The following ANKRD44 variants were observed in gnomAD, a reference collection of about 807,000 sequenced individuals.
ANKRD44 encodes the protein serine/threonine-protein phosphatase 6 regulatory ankyrin repeat subunit B.
ANKRD44 carries 35 observed loss-of-function variants against 116.0 expected under a neutral mutation model. That is an observed-to-expected ratio of 0.30 (90% CI 0.23 to 0.40). ANKRD44 has a LOEUF of 0.40. Ranked by LOEUF, ANKRD44 falls within the 10% of genes least tolerant of loss-of-function variation. The probability of loss-of-function intolerance (pLI) is 1.00; values close to 1 mark genes in which losing one functional copy is unlikely to be tolerated. For missense variants in ANKRD44, 1,014 were observed against 1,242.6 expected (o/e 0.82, Z 2.77); for synonymous variants, 435 against 461.8 (o/e 0.94, Z 0.74).
chr2:197,298,182 CTG>C (rs1433598849), intron 1 of ANKRD44, among the ~76,000 whole-genome samples: 4 of 152,180 alleles, frequency 2.6e-5, no homozygotes, highest in Non-Finnish European at 4.4e-5. Flanking sequence ...GACCTTGTAA[CTG>C]TTTGCTGCCT....
intron 1 of ANKRD44, among the ~76,000 whole-genome samples, chr2:197,309,712 G>A (rs1349394529): frequency 1.3e-5 from 2 of 152,132 alleles, no homozygotes; most frequent in Non-Finnish European, 2.9e-5. Flanking sequence ...TTCGTGGAAA[G>A]AGCTGCAAAG....
In ANKRD44 at chr2:197,275,008, A is replaced by G. The variant is rs1444976625; in HGVS notation, c.27+35570T>C. ...TCCCAGCTACTTGGGAGGCTGTGGT[A>G]GGAGGACTGCTTGAATCTGACATTT... On this transcript the variant is annotated intron_variant, in intron 1 of 27. Coordinates refer to ENST00000282272, the MANE Select transcript of ANKRD44 (RefSeq NM_001195144.2). 2.6e-5 allele frequency among the ~76,000 whole-genome samples: 4 copies of G among 151,036 alleles called. No individual in the cohort carries two copies. The East Asian group carries it at 6.0e-4, about 23-fold the overall frequency.
At chr2:197,062,015 G>A (rs753545226) in intron 16 of ANKRD44, among the ~76,000 whole-genome samples, 2 of 152,034 alleles carry the variant, frequency 1.3e-5, no homozygotes, top group Admixed American at 6.6e-5. Context: ...ACCTGACCTC[G>A]GGTGATCCAC....
intron 16 of ANKRD44, among the ~76,000 whole-genome samples, chr2:197,076,984 A>G (rs1048503735): frequency 2.0e-5 from 3 of 152,170 alleles, no homozygotes; most frequent in South Asian, 2.1e-4. Flanking sequence ...ATGTATCTTT[A>G]TGGTTAGAAT....
intron 26 of ANKRD44, among the ~76,000 whole-genome samples, chr2:196,994,109 G>T (rs2075969006): frequency 1.3e-5 from 2 of 152,150 alleles, no homozygotes; most frequent in South Asian, 4.1e-4. Flanking sequence ...AATGCACACA[G>T]ATGTTTTACT....
rs911673486 is a variant in ANKRD44 at position 197,048,607 on chromosome 2, G to A, written c.1651-23340C>T. Among the ~76,000 whole-genome samples, 3 of 152,144 alleles carry A rather than the reference G, an allele frequency of 2.0e-5. No homozygotes were observed. The East Asian group carries it at 5.8e-4, about 29-fold the overall frequency. The stretch of plus-strand genomic sequence containing the variant: ...CCTATCATTGATGGGCATTTGGGTT[G>A]GTTCCAAGTCTTTGCTATTGTGAAT... On this transcript the variant is annotated intron_variant, in intron 16 of 27. Coordinates refer to ENST00000282272, the MANE Select transcript of ANKRD44 (RefSeq NM_001195144.2).
intron 1 of ANKRD44, among the ~76,000 whole-genome samples, chr2:197,267,771 A>G (rs2082779585): frequency 6.6e-6 from 1 of 152,228 alleles, no homozygotes; most frequent in Admixed American, 6.5e-5. Flanking sequence ...AGTGGAGGGA[A>G]GACTGTCTCT....
chr2:197,004,225 A>G (rs1003769270), intron 21 of ANKRD44, among the ~76,000 whole-genome samples: 2 of 152,214 alleles, frequency 1.3e-5, no homozygotes, highest in Non-Finnish European at 2.9e-5. Flanking sequence ...GTATCTAAAC[A>G]GTAGCTGCCA....
chr2:197,091,646 A>G (rs2078045405), intron 10 of ANKRD44, among the ~76,000 whole-genome samples: 1 of 152,250 alleles, frequency 6.6e-6, no homozygotes, highest in Non-Finnish European at 1.5e-5. Context: ...AGCATGAGCC[A>G]CCACGCTCAG....
At chr2:197,103,420 A>G (rs1010433671) in intron 9 of ANKRD44, among the ~76,000 whole-genome samples, 3 of 151,666 alleles carry the variant, frequency 2.0e-5, no homozygotes, top group African/African-American at 7.3e-5. Context: ...GTGTTTGTTG[A>G]CTGACTAAAT....
chr2:197,117,741 TTC>T lies in ANKRD44; in HGVS notation c.906+3589_906+3590del, dbSNP rs148535104. On this transcript the variant is annotated intron_variant, in intron 8 of 27. Coordinates refer to ENST00000282272, the MANE Select transcript of ANKRD44 (RefSeq NM_001195144.2). ...CATGTCCCACCAAGTCTTGCTGATT[TTC>T]TTTCTGCAAAGCCTCTCCCTTCAGT... Among the ~76,000 whole-genome samples the T allele has an allele frequency of 7.9e-3, 1,197 of 152,312 alleles. 16 individuals are homozygous for T. Among genetic ancestry groups the T allele is most frequent in the African/African-American group, 0.028 (1,149 of 41,554 alleles).
At chr2:197,227,036 C>G (rs904263942) in intron 1 of ANKRD44, among the ~76,000 whole-genome samples, 1 of 152,192 alleles carries the variant, frequency 6.6e-6, no homozygotes, top group African/African-American at 2.4e-5. Flanking sequence ...CCATATCACC[C>G]TGTGGGCTGG....
In ANKRD44 at chr2:197,148,674, T is replaced by C. The variant is rs114584939; in HGVS notation, c.112-1569A>G. Among the ~76,000 whole-genome samples the C allele has an allele frequency of 5.1e-3, 780 of 152,308 alleles. 4 individuals are homozygous for C. The highest frequency in any genetic ancestry group is 6.4e-3 in the Non-Finnish European group (435 of 68,016). ...TGGCAGGCAGGGGACACAACAAGAATTGATCTTCAAACCAGTCTATTTTTT... is the reference window on the plus strand; with the variant it reads ...TGGCAGGCAGGGGACACAACAAGAACTGATCTTCAAACCAGTCTATTTTTT... On this transcript the variant is annotated intron_variant, in intron 2 of 27. Coordinates refer to ENST00000282272, the MANE Select transcript of ANKRD44 (RefSeq NM_001195144.2).
intron 16 of ANKRD44, among the ~76,000 whole-genome samples, chr2:197,076,139 G>T (rs1159213144): frequency 1.3e-5 from 2 of 152,176 alleles, no homozygotes; most frequent in African/African-American, 4.8e-5. Context: ...TGATCTCCTT[G>T]CACAATTCCT....
intron 1 of ANKRD44, among the ~76,000 whole-genome samples, chr2:197,291,998 T>C (rs933798425): frequency 6.6e-6 from 1 of 152,228 alleles, no homozygotes; most frequent in Admixed American, 6.5e-5. Context: ...GCAAAGGACA[T>C]GAACTCATCC....
intron 1 of ANKRD44, among the ~76,000 whole-genome samples, chr2:197,223,947 A>G (rs1038534003): frequency 2.6e-5 from 4 of 151,644 alleles, no homozygotes; most frequent in Non-Finnish European, 5.9e-5. Context: ...AGACGATTCC[A>G]CGAAGGTATA....
chr2:197,106,399 C>A (rs1213544518), intron 9 of ANKRD44, among the ~76,000 whole-genome samples: 1 of 150,368 alleles, frequency 6.7e-6, no homozygotes, highest in Non-Finnish European at 1.5e-5. Context: ...GAGCCGAGAT[C>A]GCACCACTGC....
At chr2:197,231,124 G>A (rs908714294) in intron 1 of ANKRD44, among the ~76,000 whole-genome samples, 23 of 152,076 alleles carry the variant, frequency 1.5e-4, no homozygotes, top group African/African-American at 3.6e-4. Context: ...TGCTTCTTAC[G>A]GATAAATCAA....
chr2:197,140,777 A>T (rs548029757), intron 3 of ANKRD44, among the ~76,000 whole-genome samples: 12 of 152,196 alleles, frequency 7.9e-5, no homozygotes, highest in Non-Finnish European at 1.6e-4. Context: ...AAACTTTTGG[A>T]GGTGACAGAG....
Sources: gnomAD v4.1 joint callset for allele counts (sites outside exome capture counted in the v4.1 genomes callset) on GRCh38, gnomAD v4.1.1 for gene constraint, MANE v1.5 for transcripts, NCBI Gene and HGNC (gene_info 2026-07-23, HGNC 2026-07-21) for gene names.